PYGO1: variants seen among roughly 807,000 people sequenced by gnomAD.
PYGO1 encodes the protein pygopus family PHD finger 1, also known as pygopus homolog 1.
PYGO1 carries 6 observed loss-of-function variants against 29.5 expected under a neutral mutation model. The ratio of observed to expected loss-of-function variants is 0.20; its 90% CI spans 0.11 to 0.40. The LOEUF (loss-of-function observed/expected upper bound fraction) is 0.40, where lower values mean the gene tolerates loss of function less well. Among genes scored for constraint, PYGO1 ranks in the 10% least tolerant of loss-of-function variants. The pLI, the probability that PYGO1 is intolerant of heterozygous loss-of-function variation, is 1.00. For synonymous variants in PYGO1, 186 were observed against 180.5 expected, an observed-to-expected ratio of 1.03 and a Z score of -0.24; for missense variants, 515 against 514.9, an observed-to-expected ratio of 1.00 and a Z score of 0.00.
At chr15:55,583,912 G>C (rs1389778060) in intron 1 of PYGO1, among the ~76,000 whole-genome samples, 2 of 152,008 alleles carry the variant, frequency 1.3e-5, no homozygotes, top group Non-Finnish European at 2.9e-5. Flanking sequence ...TATCTCCTCT[G>C]ATGCTTTCTG....
At chr15:55,574,240 T>C (rs2058991987) in intron 1 of PYGO1, among the ~76,000 whole-genome samples, 1 of 152,222 alleles carries the variant, frequency 6.6e-6, no homozygotes, top group Non-Finnish European at 1.5e-5. Flanking sequence ...ATGTGGTATT[T>C]TAAGCAGATA....
At chr15:55,584,974 C>T (rs1473786129) in intron 1 of PYGO1, among the ~76,000 whole-genome samples, 1 of 152,126 alleles carries the variant, frequency 6.6e-6, no homozygotes, top group Non-Finnish European at 1.5e-5. Flanking sequence ...ATGCAGAAGT[C>T]CCAACTCTGT....
chr15:55,588,060 G>A lies in PYGO1; in HGVS notation c.-177C>T, dbSNP rs2141684010. ...ACTTTGCAAAGTTTGGGAGGAGGAC[G>A]AGGCCTCGGGGCGGCGGGGCGGCGG... On this transcript the variant is annotated 5_prime_UTR_variant, in exon 1 of 3. Transcript: ENST00000563719. The A allele has an allele frequency of 1.8e-6, 2 of 1,136,932 alleles. No individual in the cohort carries two copies. Among genetic ancestry groups the A allele is most frequent in the South Asian group, 3.8e-5 (1 of 26,162 alleles). The allele number at this position is 1,136,932 out of a possible 1,614,324, so 70.4% of individuals were successfully genotyped here. A position where few individuals can be genotyped will look rare whatever the true frequency, so the allele number is the denominator to read the frequency against.
Position 55,545,831 on chromosome 15 carries a change from AC to A in PYGO1, c.*191del. 1.8e-6 allele frequency: 1 copy of A among 548,834 alleles called. No homozygotes were observed. Among genetic ancestry groups the A allele is most frequent in the South Asian group, 3.6e-5 (1 of 28,038 alleles). The allele number at this position is 548,834 out of a possible 1,614,324, so 34.0% of individuals were successfully genotyped here. On this transcript the variant is annotated 3_prime_UTR_variant, in exon 3 of 3. Coordinates refer to ENST00000563719, the MANE Select transcript of PYGO1 (RefSeq NM_001367806.1). ...TTATGTTTCTAAAGCACCCCCATAT[AC>A]ATTATTCTCATTTAAGACAGCAAGC...
At position 55,588,203 on chromosome 15, in the gene PYGO1, T is replaced by G. The variant is rs1223489937; in HGVS notation, c.-320A>C. On this transcript the variant is annotated 5_prime_UTR_variant, in exon 1 of 3. Coordinates refer to ENST00000563719, the MANE Select transcript of PYGO1 (RefSeq NM_001367806.1). ...CGAGTGCGCCGCCGCCGCCGCCGCC[T>G]CCTCCCACTCCTTCTTCTTCGCCGC... 6.8e-5 allele frequency: 15 copies of G among 219,952 alleles called. No individual in the cohort carries two copies. Among genetic ancestry groups the G allele is most frequent in the African/African-American group, 3.1e-4 (13 of 41,298 alleles). The allele number at this position is 219,952 out of a possible 1,614,324, so 13.6% of individuals were successfully genotyped here.
At chr15:55,586,656 A>G (rs548419904) in intron 1 of PYGO1, among the ~76,000 whole-genome samples, 1 of 152,228 alleles carries the variant, frequency 6.6e-6, no homozygotes, top group Non-Finnish European at 1.5e-5. Flanking sequence ...CACACTGGGC[A>G]TATTCCAGAC....
intron 1 of PYGO1, among the ~76,000 whole-genome samples, chr15:55,554,115 C>A (rs1595983471): frequency 6.6e-6 from 1 of 152,176 alleles, no homozygotes; most frequent in Admixed American, 6.5e-5. Flanking sequence ...CTCAAAAAAA[C>A]AGAGTGCCTC....
chr15:55,562,398 G>A (rs1159538764), intron 1 of PYGO1, among the ~76,000 whole-genome samples: 6 of 152,138 alleles, frequency 3.9e-5, no homozygotes, highest in African/African-American at 9.7e-5. Flanking sequence ...CTGGCTGAGC[G>A]TGGTGGCTCA....
intron 1 of PYGO1, among the ~76,000 whole-genome samples, chr15:55,575,777 G>A (rs2058998782): frequency 6.6e-6 from 1 of 152,160 alleles, no homozygotes; most frequent in South Asian, 2.1e-4. Context: ...TGCACCAGGT[G>A]TCTGGGTCCC....
chr15:55,562,275 TGTG>T (rs1294994061), intron 1 of PYGO1, among the ~76,000 whole-genome samples: 2 of 152,326 alleles, frequency 1.3e-5, no homozygotes, highest in African/African-American at 4.8e-5. Flanking sequence ...TGGAAGAAAG[TGTG>T]GTGATTCCTC....
At chr15:55,557,557 C>T (rs1404871188) in intron 1 of PYGO1, among the ~76,000 whole-genome samples, 2 of 152,176 alleles carry the variant, frequency 1.3e-5, no homozygotes, top group African/African-American at 4.8e-5. Flanking sequence ...GAATTTTAGA[C>T]CAATCTCCCT....
upstream of PYGO1, among the ~76,000 whole-genome samples, chr15:55,588,483 C>T (rs1234231342): frequency 3.4e-5 from 5 of 146,978 alleles, no homozygotes; most frequent in Non-Finnish European, 7.6e-5. Flanking sequence ...GCCGCTGCCT[C>T]GTCCCGCGGC....
At chr15:55,588,946 C>A, upstream of PYGO1, 2 of 1,180,898 alleles carry the variant, frequency 1.7e-6, no homozygotes, top group East Asian at 2.4e-5. Context: ...AACGACTTGA[C>A]TCTTCAAGAA....
At chr15:55,583,307 A>C (rs1215818410) in intron 1 of PYGO1, among the ~76,000 whole-genome samples, 1 of 151,486 alleles carries the variant, frequency 6.6e-6, no homozygotes. Context: ...GTGCCTTTCC[A>C]GTTTTTCCCC....
intron 1 of PYGO1, among the ~76,000 whole-genome samples, chr15:55,553,617 G>A (rs979245113): frequency 6.6e-6 from 1 of 152,044 alleles, no homozygotes; most frequent in African/African-American, 2.4e-5. Flanking sequence ...CGCCATGTTG[G>A]CCAGGCTGGT....
At chr15:55,568,048 T>C (rs923491919) in intron 1 of PYGO1, among the ~76,000 whole-genome samples, 3 of 152,210 alleles carry the variant, frequency 2.0e-5, no homozygotes, top group African/African-American at 7.2e-5. Context: ...AGGATTGATT[T>C]GGCTATTTGG....
At chr15:55,563,859 G>T (rs187308550) in intron 1 of PYGO1, among the ~76,000 whole-genome samples, 4 of 152,042 alleles carry the variant, frequency 2.6e-5, no homozygotes, top group East Asian at 3.9e-4. Flanking sequence ...AATTAAAACC[G>T]CAATGAGATA....
intron 1 of PYGO1, among the ~76,000 whole-genome samples, chr15:55,575,253 G>C (rs910315955): frequency 6.6e-6 from 1 of 152,140 alleles, no homozygotes; most frequent in Non-Finnish European, 1.5e-5. Context: ...GATTCTGATT[G>C]AGTAGTTCTG....
At chr15:55,586,899 A>T (rs1477702877) in intron 1 of PYGO1, among the ~76,000 whole-genome samples, 1 of 152,122 alleles carries the variant, frequency 6.6e-6, no homozygotes, top group Admixed American at 6.5e-5. Flanking sequence ...TTCTGTATCT[A>T]CTGTTTATCA....
Sources: allele counts gnomAD v4.1 joint callset (sites outside exome capture counted in the v4.1 genomes callset), GRCh38; gene constraint gnomAD v4.1.1; transcripts MANE v1.5; gene names NCBI Gene and HGNC (gene_info 2026-07-23, HGNC 2026-07-21).